Variants in RAB20 observed in about 807,000 individuals in gnomAD.
RAB20 encodes the protein RAB20, member RAS oncogene family.
In RAB20, 2 loss-of-function variants were observed where a neutral mutation model predicts 3.7. That is an observed-to-expected ratio of 0.54 (90% CI 0.22 to 1.69). The LOEUF (loss-of-function observed/expected upper bound fraction) is 1.69, where lower values mean the gene tolerates loss of function less well. RAB20 is among the 40% of genes most tolerant of loss of function. The pLI is 0.19. For missense variants in RAB20, 276 were observed against 311.9 expected (o/e 0.88, Z 0.87); for synonymous variants, 126 against 130.8 (o/e 0.96, Z 0.25).
At chr13:110,542,231 TACA>T (rs1340748162) in intron 1 of RAB20, among the ~76,000 whole-genome samples, 5 of 151,666 alleles carry the variant, frequency 3.3e-5, no homozygotes, top group African/African-American at 9.8e-5. Context: ...ATTTCAGATG[TACA>T]ACATGATATT....
intron 1 of RAB20, among the ~76,000 whole-genome samples, chr13:110,557,376 G>A (rs1392682604): frequency 6.6e-6 from 1 of 152,166 alleles, no homozygotes; most frequent in Non-Finnish European, 1.5e-5. Context: ...GAACAAAGAG[G>A]AGCAGGACTT....
intron 1 of RAB20, among the ~76,000 whole-genome samples, chr13:110,533,896 A>T (rs1884593201): frequency 6.6e-6 from 1 of 152,178 alleles, no homozygotes; most frequent in Non-Finnish European, 1.5e-5. Context: ...CCCCACCAGT[A>T]CGTGGAAAGT....
intron 1 of RAB20, among the ~76,000 whole-genome samples, chr13:110,527,937 A>ACACACACACACG (rs1884460109): frequency 7.2e-6 from 1 of 139,196 alleles, no homozygotes. Flanking sequence ...ACACACACAC[A>ACACACACACACG]CACACATACA....
At chr13:110,546,995 C>T (rs1884863326) in intron 1 of RAB20, among the ~76,000 whole-genome samples, 1 of 152,192 alleles carries the variant, frequency 6.6e-6, no homozygotes, top group African/African-American at 2.4e-5. Context: ...CCGTCTGAGT[C>T]TCCCGAAGTG....
At chr13:110,528,802 G>A (rs1488534208) in intron 1 of RAB20, among the ~76,000 whole-genome samples, 6 of 152,148 alleles carry the variant, frequency 3.9e-5, no homozygotes, top group Admixed American at 3.3e-4. Flanking sequence ...GTAATGAAAG[G>A]AAACAGGAAC....
rs146201261 is a variant in RAB20, at chr13:110,539,076, G to A, written c.173-14879C>T. 2.2e-3 allele frequency among the ~76,000 whole-genome samples: 335 copies of A among 152,242 alleles called. 2 individuals are homozygous for A. The highest frequency in any genetic ancestry group is 7.6e-3 in the African/African-American group (317 of 41,528). On this transcript the variant is annotated intron_variant, in intron 1 of 1. Transcript: ENST00000267328. Reference sequence around the variant, plus strand: ...TTAATCAATCACAGGAAGAAAGGAGGCGATTAGGTGACCTTATTTTTTAAA... The same window carrying A: ...TTAATCAATCACAGGAAGAAAGGAGACGATTAGGTGACCTTATTTTTTAAA...
At chr13:110,544,931 C>T (rs977457058) in intron 1 of RAB20, among the ~76,000 whole-genome samples, 30 of 152,160 alleles carry the variant, frequency 2.0e-4, no homozygotes, top group African/African-American at 7.0e-4. Context: ...TAGTCTTTCC[C>T]GTGCTACTCT....
intron 1 of RAB20, among the ~76,000 whole-genome samples, chr13:110,557,286 G>A (rs374794094): frequency 5.3e-5 from 8 of 152,338 alleles, no homozygotes; most frequent in African/African-American, 1.9e-4. Context: ...AGATTTCCAA[G>A]CAAAGTGTTG....
intron 1 of RAB20, among the ~76,000 whole-genome samples, chr13:110,545,417 A>T (rs1884834885): frequency 6.6e-6 from 1 of 152,182 alleles, no homozygotes; most frequent in Non-Finnish European, 1.5e-5. Context: ...TCCTCACAGC[A>T]AGTGTTAGAA....
At position 110,561,475 on chromosome 13, in the gene RAB20, G is replaced by A; in HGVS notation, c.45C>T (p.Asn15=). Residue 15 remains asparagine, a synonymous_variant, in exon 1 of 2, where the codon AAC becomes AAT. Coordinates refer to ENST00000267328, the MANE Select transcript of RAB20 (RefSeq NM_017817.3). ...DSKIVLLGDM[N]VGKTSLLQRY... ...GCTGCAGCAGCGACGTCTTCCCCAC[G>A]TTCATGTCCCCCAGGAGCACGATCT... The A allele has an allele frequency of 6.2e-7, 1 of 1,600,240 alleles. No individual in the cohort carries two copies. The highest frequency in any genetic ancestry group is 8.5e-7 in the Non-Finnish European group (1 of 1,173,746).
At chr13:110,544,252 T>C (rs904704603) in intron 1 of RAB20, among the ~76,000 whole-genome samples, 1 of 152,230 alleles carries the variant, frequency 6.6e-6, no homozygotes, top group African/African-American at 2.4e-5. Flanking sequence ...CATTGGTCAA[T>C]GTGTCTGTTT....
At chr13:110,539,780 G>C (rs1393747337) in intron 1 of RAB20, among the ~76,000 whole-genome samples, 1 of 152,030 alleles carries the variant, frequency 6.6e-6, no homozygotes, top group African/African-American at 2.4e-5. Flanking sequence ...GGCTGGTCTC[G>C]AACTCCTGAC....
rs71187388 is a variant in RAB20, at chr13:110,555,011, T to C, written c.172+6337A>G. 0.27 allele frequency among the ~76,000 whole-genome samples: 40,580 copies of C among 150,912 alleles called. 5,754 individuals carry two copies. The highest frequency in any genetic ancestry group is 0.34 in the African/African-American group (14,132 of 41,092). On this transcript the variant is annotated intron_variant, in intron 1 of 1. Coordinates refer to ENST00000267328, the MANE Select transcript of RAB20 (RefSeq NM_017817.3). This position sits in a 1 kb window ranked among gnomAD's most constrained non-coding sequence, Gnocchi z 4.0. ...CCCTGGCACCGTGTCAGGGAGCGAC[T>C]GTGGGAGCCGCCTCCCCTCTGTAAG... is the stretch of plus-strand genomic sequence containing the variant.
Position 110,523,649 on chromosome 13 carries a change from A to C in RAB20, c.*16T>G. The C allele has an allele frequency of 6.2e-7, 1 of 1,609,996 alleles. No homozygotes were observed. On this transcript the variant is annotated 3_prime_UTR_variant, in exon 2 of 2. Transcript: ENST00000267328. Reference sequence around the variant, plus strand: ...TTCCCAACATGCACAGTCTGAGTCCAGGAGGCCCTCGAAAGTCAGGCACAA... The same window carrying C: ...TTCCCAACATGCACAGTCTGAGTCCCGGAGGCCCTCGAAAGTCAGGCACAA...
At chr13:110,537,844 AGGGG>A (rs1266071217) in intron 1 of RAB20, among the ~76,000 whole-genome samples, 9 of 152,218 alleles carry the variant, frequency 5.9e-5, no homozygotes, top group South Asian at 4.1e-4. Flanking sequence ...CCCCAGTCAC[AGGGG>A]CCCTGGTCAC....
intron 1 of RAB20, among the ~76,000 whole-genome samples, chr13:110,535,946 G>C (rs1884631951): frequency 6.6e-6 from 1 of 152,220 alleles, no homozygotes; most frequent in Non-Finnish European, 1.5e-5. Flanking sequence ...TTCATCTCTG[G>C]CACCCATGAA....
chr13:110,561,288 C>G, intron 1 of RAB20, 60 bp downstream of exon 1: 1 of 1,479,564 alleles, frequency 6.8e-7, no homozygotes, highest in East Asian at 2.8e-5. Flanking sequence ...CTGGAAGCCC[C>G]GCGCCCCCCG....
At chr13:110,560,843 G>C (rs935799135) in intron 1 of RAB20, among the ~76,000 whole-genome samples, 15 of 151,960 alleles carry the variant, frequency 9.9e-5, no homozygotes, top group African/African-American at 2.9e-4. Context: ...GATATGCTCC[G>C]GGCTAAGAGG....
chr13:110,556,222 G>A (rs1388952239), intron 1 of RAB20, among the ~76,000 whole-genome samples: 1 of 152,224 alleles, frequency 6.6e-6, no homozygotes, highest in Non-Finnish European at 1.5e-5. Context: ...CAACCACCCT[G>A]AAAACAAGGG....
Sources: gnomAD v4.1 joint callset for allele counts (sites outside exome capture counted in the v4.1 genomes callset) on GRCh38, gnomAD v4.1.1 for gene constraint, Gnocchi (gnomAD v3.1) non-coding constraint, MANE v1.5 for transcripts, NCBI Gene and HGNC (gene_info 2026-07-23, HGNC 2026-07-21) for gene names.